Variants in ZNF362 observed in about 807,000 individuals in gnomAD.
The protein encoded by ZNF362 is zinc finger protein 362.
Under a neutral mutation model 42.9 loss-of-function variants are expected in ZNF362, and 11 were observed. The ratio of observed to expected loss-of-function variants is 0.26; its 90% CI spans 0.16 to 0.42. The LOEUF is 0.42. ZNF362 is among the 20% of genes least tolerant of loss of function. The probability of loss-of-function intolerance (pLI) is 1.00; values close to 1 mark genes in which losing one functional copy is unlikely to be tolerated. For missense variants in ZNF362, 362 were observed against 576.2 expected (o/e 0.63, Z 3.81); for synonymous variants, 255 against 257.3 (o/e 0.99, Z 0.09).
chr1:33,159,623 C>T, the ZNF362 span: 6 of 1,535,640 alleles, frequency 3.9e-6, no homozygotes, highest in Non-Finnish European at 5.2e-6. This position sits in a 1 kb window ranked among gnomAD's most constrained non-coding sequence, Gnocchi z 4.2. Flanking sequence ...CCTCCACTCC[C>T]ACTGCCCAGC....
chr1:33,174,953 A>G, the ZNF362 span, among the ~76,000 whole-genome samples: 20 of 15,236 alleles, frequency 1.3e-3, no homozygotes, highest in Admixed American at 3.3e-3. Flanking sequence ...GTGTATATAT[A>G]TATATATATA....
chr1:33,216,548 C>T, the ZNF362 span, among the ~76,000 whole-genome samples: 3 of 123,078 alleles, frequency 2.4e-5, no homozygotes, highest in Middle Eastern at 5.4e-3. Flanking sequence ...TGCAGTGAGC[C>T]GAGATTGTGC....
chr1:33,194,532 C>CAAAAAA, the ZNF362 span, among the ~76,000 whole-genome samples: 6 of 103,792 alleles, frequency 5.8e-5, 1 homozygote, highest in East Asian at 5.7e-4. Flanking sequence ...GACCCTGTCT[C>CAAAAAA]AAAAAAAAAA....
At chr1:33,291,264 G>C (rs1389997308) in intron 6 of ZNF362, among the ~76,000 whole-genome samples, 2 of 152,154 alleles carry the variant, frequency 1.3e-5, no homozygotes, top group African/African-American at 4.8e-5. Context: ...AAGGGATCCA[G>C]TTTCAGCTTT....
the ZNF362 span, among the ~76,000 whole-genome samples, chr1:33,211,011 G>A: frequency 6.6e-6 from 1 of 151,326 alleles, no homozygotes; most frequent in South Asian, 2.1e-4. Context: ...CTGGCTCACT[G>A]CAAGCTCTGC....
chr1:33,170,353 T>C, the ZNF362 span, among the ~76,000 whole-genome samples: 1 of 151,338 alleles, frequency 6.6e-6, no homozygotes, highest in Non-Finnish European at 1.5e-5. Context: ...TACTAGATTG[T>C]ACATTCCAGC....
intron 6 of ZNF362, among the ~76,000 whole-genome samples, chr1:33,287,480 TAAAC>T (rs932853538): frequency 1.1e-4 from 17 of 152,214 alleles, no homozygotes; most frequent in South Asian, 6.2e-4. Flanking sequence ...AGATCCTATC[TAAAC>T]AAACAAACAA....
intron 2 of ZNF362, among the ~76,000 whole-genome samples, chr1:33,271,697 G>A (rs951258328): frequency 2.0e-5 from 3 of 152,150 alleles, no homozygotes; most frequent in African/African-American, 4.8e-5. Context: ...GGGAGGGAGG[G>A]CGAGTGTGGT....
chr1:33,216,814 TGGGCCCCCTGTGCAGGTGGC>T, the ZNF362 span, among the ~76,000 whole-genome samples: 17 of 151,610 alleles, frequency 1.1e-4, no homozygotes, highest in Non-Finnish European at 2.4e-4. Flanking sequence ...GCACATAGGA[TGGGCCCCCTGTGCAGGTGGC>T]TGGAGGGGCT....
the ZNF362 span, among the ~76,000 whole-genome samples, chr1:33,203,304 C>T: frequency 6.6e-6 from 1 of 152,116 alleles, no homozygotes; most frequent in Non-Finnish European, 1.5e-5. Flanking sequence ...ATGGCAGGAT[C>T]TCCTTTTTTA....
At chr1:33,149,207 C>T in the ZNF362 span, among the ~76,000 whole-genome samples, 57 of 152,284 alleles carry the variant, frequency 3.7e-4, no homozygotes, top group Admixed American at 7.2e-4. Context: ...GGCGGGAATG[C>T]AGTGGCATGA....
At chr1:33,181,539 C>T in the ZNF362 span, 1 of 1,442,216 alleles carries the variant, frequency 6.9e-7, no homozygotes, top group Non-Finnish European at 9.0e-7. The surrounding 1 kb of genome is among the most constrained non-coding windows in gnomAD (Gnocchi z 6.5). Flanking sequence ...ACGAGGCCCG[C>T]ACAGGCAGGG....
At chr1:33,129,488 A>T in the ZNF362 span, among the ~76,000 whole-genome samples, 1 of 152,224 alleles carries the variant, frequency 6.6e-6, no homozygotes, top group Non-Finnish European at 1.5e-5. This position sits in a 1 kb window ranked among gnomAD's most constrained non-coding sequence, Gnocchi z 4.1. Flanking sequence ...TAATGCTAAA[A>T]TTCTGCCCCA....
chr1:33,244,825 A>G, the ZNF362 span, among the ~76,000 whole-genome samples: 1 of 152,174 alleles, frequency 6.6e-6, no homozygotes, highest in African/African-American at 2.4e-5. The surrounding 1 kb of genome is among the most constrained non-coding windows in gnomAD (Gnocchi z 4.0). Context: ...GAGGAGGTAC[A>G]CAGTAAGGAA....
At chr1:33,273,444 C>T (rs1474363776) in intron 2 of ZNF362, among the ~76,000 whole-genome samples, 2 of 152,328 alleles carry the variant, frequency 1.3e-5, no homozygotes, top group East Asian at 1.9e-4. Flanking sequence ...AAGACCCCCT[C>T]TTCCCATAGC....
intron 2 of ZNF362, among the ~76,000 whole-genome samples, chr1:33,271,401 C>T (rs1645903195): frequency 6.6e-6 from 1 of 152,246 alleles, no homozygotes; most frequent in Non-Finnish European, 1.5e-5. Flanking sequence ...ATCACCTCCC[C>T]TGGGAAGTCC....
chr1:33,235,826 C>G, the ZNF362 span, among the ~76,000 whole-genome samples: 1 of 152,232 alleles, frequency 6.6e-6, no homozygotes, highest in African/African-American at 2.4e-5. Flanking sequence ...GTTTAGAAGC[C>G]TGACTAGAGT....
chr1:33,144,073 C>T, the ZNF362 span, among the ~76,000 whole-genome samples: 62 of 151,952 alleles, frequency 4.1e-4, 1 homozygote, highest in African/African-American at 1.4e-3. Flanking sequence ...CCTCTGTAAT[C>T]TATAGCCCAG....
intron 6 of ZNF362, among the ~76,000 whole-genome samples, chr1:33,288,206 C>T (rs1408888776): frequency 4.6e-5 from 7 of 152,120 alleles, no homozygotes; most frequent in East Asian, 1.9e-4. Flanking sequence ...CCAGGTTACC[C>T]GGCTAAGAGG....
Sources: allele counts gnomAD v4.1 joint callset (sites outside exome capture counted in the v4.1 genomes callset), GRCh38; gene constraint gnomAD v4.1.1; non-coding constraint Gnocchi (gnomAD v3.1); transcripts MANE v1.5; gene names NCBI Gene and HGNC (gene_info 2026-07-23, HGNC 2026-07-21).